The following YIPF1 variants were observed in gnomAD, a reference collection of about 807,000 sequenced individuals.
The protein encoded by YIPF1 is Yip1 domain family member 1, also known as protein YIPF1.
YIPF1 carries 22 observed loss-of-function variants against 37.0 expected under a neutral mutation model. The ratio of observed to expected loss-of-function variants is 0.59; its 90% confidence interval spans 0.42 to 0.85. YIPF1 has a LOEUF of 0.85. YIPF1 is among the 40% of genes least tolerant of loss of function. The pLI, the probability that YIPF1 is intolerant of heterozygous loss-of-function variation, is 0.00. For missense variants in YIPF1, 355 were observed against 373.1 expected, an observed-to-expected ratio of 0.95 and a Z score of 0.40; for synonymous variants, 128 against 131.9, an observed-to-expected ratio of 0.97 and a Z score of 0.21.
At chr1:53,871,288 G>T (rs1342967276) in intron 7 of YIPF1, 84 bp downstream of exon 7, 1 of 1,200,892 alleles carries the variant, frequency 8.3e-7, no homozygotes. Flanking sequence ...AGCATCTAGA[G>T]ATGGGGCCCA....
At position 53,885,959 on chromosome 1, in the gene YIPF1, G is replaced by A. The variant is rs138424009; in HGVS notation, c.32-2683C>T. Reference sequence around the variant, plus strand: ...TACATGCCTGTATCAAAATATATGAGTGTACCCTGTAAGTATATATACCTA... The same window carrying A: ...TACATGCCTGTATCAAAATATATGAATGTACCCTGTAAGTATATATACCTA... On this transcript the variant is annotated intron_variant, in intron 3 of 10. Coordinates refer to ENST00000072644, the MANE Select transcript of YIPF1 (RefSeq NM_018982.5). 6.1e-3 allele frequency among the ~76,000 whole-genome samples: 929 copies of A among 151,826 alleles called. 19 individuals are homozygous for A. Among genetic ancestry groups the A allele is most frequent in the African/African-American group, 0.022 (898 of 41,176 alleles).
chr1:53,861,567 A>G (rs1179155844), intron 9 of YIPF1, among the ~76,000 whole-genome samples: 1 of 149,240 alleles, frequency 6.7e-6, no homozygotes, highest in East Asian at 1.9e-4. Flanking sequence ...TGGTGACTCA[A>G]GAGAGAGAGA....
intron 7 of YIPF1, among the ~76,000 whole-genome samples, chr1:53,867,574 G>T (rs189852937): frequency 6.6e-6 from 1 of 151,888 alleles, no homozygotes; most frequent in Non-Finnish European, 1.5e-5. Context: ...GGGTTTCACC[G>T]TGTTAGCCAG....
intron 4 of YIPF1, among the ~76,000 whole-genome samples, chr1:53,879,511 CA>C (rs35069175): frequency 0.41 from 61,428 of 148,862 alleles, 12,778 homozygotes; most frequent in East Asian, 0.57. Context: ...ACTACTCTGA[CA>C]AAAAAAAAAA....
At chr1:53,865,081 C>T (rs934759320) in intron 9 of YIPF1, among the ~76,000 whole-genome samples, 1 of 152,178 alleles carries the variant, frequency 6.6e-6, no homozygotes, top group African/African-American at 2.4e-5. Flanking sequence ...TCAAACACTA[C>T]TTTAAATGTT....
In YIPF1 at chr1:53,888,916, G is replaced by A; in HGVS notation, c.22C>T (p.Gln8Ter). ...CACCCAACTGGTATACCTTCAAATTGCAAGTCATCTACTGCTGCCATTCGG... is the reference window on the plus strand; with the variant it reads ...CACCCAACTGGTATACCTTCAAATTACAAGTCATCTACTGCTGCCATTCGG... Reference protein sequence around the residue: MAAVDDLQFEEFGNAATS... With the variant: MAAVDDL The change falls in exon 3 of 11, where the codon CAA becomes TAA. Residue 8 changes from glutamine to a stop codon, truncating the protein, a stop_gained. Coordinates refer to ENST00000072644, the MANE Select transcript of YIPF1 (RefSeq NM_018982.5). LOFTEE classifies it high-confidence loss of function. 6.3e-7 allele frequency: 1 copy of A among 1,591,992 alleles called. No individual in the cohort carries two copies. Among genetic ancestry groups the A allele is most frequent in the Non-Finnish European group, 8.6e-7 (1 of 1,162,028 alleles).
At chr1:53,853,373 T>C (rs1448478530) in intron 10 of YIPF1, among the ~76,000 whole-genome samples, 1 of 152,224 alleles carries the variant, frequency 6.6e-6, no homozygotes, top group Non-Finnish European at 1.5e-5. Flanking sequence ...GAGGAGGATC[T>C]GGTTGTAGTG....
intron 9 of YIPF1, among the ~76,000 whole-genome samples, chr1:53,860,772 T>G (rs1649849762): frequency 6.6e-6 from 1 of 152,200 alleles, no homozygotes; most frequent in Non-Finnish European, 1.5e-5. Flanking sequence ...AATGAAAGGT[T>G]TGCTAAGTGC....
chr1:53,885,259 T>C (rs1199950869), intron 3 of YIPF1, among the ~76,000 whole-genome samples: 1 of 152,206 alleles, frequency 6.6e-6, no homozygotes. Flanking sequence ...TTTAAAAAGA[T>C]AGTCACAACT....
At position 53,886,110 on chromosome 1, in the gene YIPF1, C is replaced by T. The variant is rs932216813; in HGVS notation, c.31+2797G>A. Among the ~76,000 whole-genome samples the T allele has an allele frequency of 2.0e-5, 3 of 151,890 alleles. 1 individual carries two copies. The highest frequency in any genetic ancestry group is 1.9e-4 in the East Asian group (1 of 5,198). ...AAGGTCAAAAAGGCCCCAAGGAGGGCGATAACTCCTCTAGTTATTGGGATC... is the reference window on the plus strand; with the variant it reads ...AAGGTCAAAAAGGCCCCAAGGAGGGTGATAACTCCTCTAGTTATTGGGATC... On this transcript the variant is annotated intron_variant, in intron 3 of 10. Coordinates refer to ENST00000072644, the MANE Select transcript of YIPF1 (RefSeq NM_018982.5).
At chr1:53,865,082 T>G (rs1649981659) in intron 9 of YIPF1, among the ~76,000 whole-genome samples, 1 of 152,180 alleles carries the variant, frequency 6.6e-6, no homozygotes, top group African/African-American at 2.4e-5. Context: ...CAAACACTAC[T>G]TTAAATGTTG....
rs536364271 is a variant in YIPF1, at chr1:53,881,948, C to G, written c.195+1165G>C. On this transcript the variant is annotated intron_variant, in intron 4 of 10. Coordinates refer to ENST00000072644, the MANE Select transcript of YIPF1 (RefSeq NM_018982.5). ...AGCACTATTCACAATAGCAAAGATA[C>G]GGAATCAACCTAAATGCCCATCAAT... Among the ~76,000 whole-genome samples, 8 of 152,144 alleles carry G rather than the reference C, an allele frequency of 5.3e-5. No individual in the cohort carries two copies. The East Asian group carries it at 1.5e-3, about 29-fold the overall frequency.
intron 10 of YIPF1, among the ~76,000 whole-genome samples, chr1:53,859,367 T>G (rs375485370): frequency 1.9e-4 from 29 of 152,312 alleles, no homozygotes; most frequent in Admixed American, 3.3e-4. Context: ...AGATAAATTA[T>G]ATGACCAGAT....
rs552584127 is a variant in YIPF1, at chr1:53,867,427, C to T, written c.482-503G>A. On this transcript the variant is annotated intron_variant, in intron 7 of 10. Coordinates refer to ENST00000072644, the MANE Select transcript of YIPF1 (RefSeq NM_018982.5). ...TTGCTCTGTCGCCCAGGCTGGAGTG[C>T]AGTGGCGCGATCTAGGCTCACTGCA... Among the ~76,000 whole-genome samples, 947 of 135,970 alleles carry T rather than the reference C, an allele frequency of 7.0e-3. 11 individuals carry two copies. Among genetic ancestry groups the T allele is most frequent in the African/African-American group, 0.025 (902 of 35,568 alleles). 89.2% of individuals were successfully genotyped at this position (135,970 alleles called of 152,430 possible). A position where few individuals can be genotyped will look rare whatever the true frequency, so the allele number is the denominator to read the frequency against.
intron 10 of YIPF1, among the ~76,000 whole-genome samples, chr1:53,859,318 A>T (rs1212437317): frequency 4.6e-5 from 7 of 152,242 alleles, no homozygotes; most frequent in Non-Finnish European, 7.3e-5. Context: ...TTCAAGCACC[A>T]TGAGAGTGAT....
chr1:53,863,398 A>G (rs1649936540), intron 9 of YIPF1, among the ~76,000 whole-genome samples: 1 of 152,198 alleles, frequency 6.6e-6, no homozygotes, highest in South Asian at 2.1e-4. Context: ...GCAGTGTCTG[A>G]CGACACAGGC....
intron 4 of YIPF1, among the ~76,000 whole-genome samples, chr1:53,882,452 CT>C (rs1274314565): frequency 5.6e-4 from 83 of 148,074 alleles, no homozygotes; most frequent in Middle Eastern, 3.5e-3. Context: ...TCAATCTTTC[CT>C]TTTTTTTTTT....
intron 9 of YIPF1, 97 bp downstream of exon 9, chr1:53,866,103 G>C: frequency 1.4e-6 from 2 of 1,454,934 alleles, no homozygotes; most frequent in Non-Finnish European, 1.9e-6. Context: ...CCCAGCCCAT[G>C]GACTCAATTT....
chr1:53,869,160 T>TCTCTCTCTCTCACACA (rs911930860), intron 7 of YIPF1, among the ~76,000 whole-genome samples: 1 of 137,982 alleles, frequency 7.2e-6, no homozygotes, highest in African/African-American at 2.8e-5. Flanking sequence ...TCTCTCTCTC[T>TCTCTCTCTCTCACACA]CACACACACA....
Sources: allele counts gnomAD v4.1 joint callset (sites outside exome capture counted in the v4.1 genomes callset), GRCh38; gene constraint gnomAD v4.1.1; transcripts MANE v1.5; gene names NCBI Gene and HGNC (gene_info 2026-07-23, HGNC 2026-07-21).